GASK1A: variants seen among roughly 807,000 people sequenced by gnomAD.
GASK1A encodes Golgi-associated kinase 1A.
In GASK1A, 40 loss-of-function variants were observed where a neutral mutation model predicts 41.2. The observed-to-expected ratio is 0.97, with a 90% CI of 0.75 to 1.27. The LOEUF (loss-of-function observed/expected upper bound fraction) is 1.27. Ranked by LOEUF, GASK1A falls within the 50% of genes most tolerant of loss-of-function variation. The pLI is 0.00. For missense variants in GASK1A, 678 were observed against 745.1 expected, an observed-to-expected ratio of 0.91 and a Z score of 1.05; for synonymous variants, 316 against 307.1, an observed-to-expected ratio of 1.03 and a Z score of -0.30.
intron 1 of GASK1A, among the ~76,000 whole-genome samples, chr3:43,017,840 A>T (rs998596253): frequency 2.0e-5 from 3 of 151,728 alleles, no homozygotes; most frequent in African/African-American, 7.3e-5. Flanking sequence ...AGTCACAAGA[A>T]GGGACTGTGT....
At chr3:43,009,399 GC>G (rs2089452600) in intron 1 of GASK1A, among the ~76,000 whole-genome samples, 1 of 152,178 alleles carries the variant, frequency 6.6e-6, no homozygotes, top group Admixed American at 6.5e-5. Context: ...GGTTATCTGG[GC>G]GCATTGAAAA....
At chr3:42,980,508 C>A (rs996175066) in intron 1 of GASK1A, among the ~76,000 whole-genome samples, 7 of 152,178 alleles carry the variant, frequency 4.6e-5, no homozygotes, top group African/African-American at 1.7e-4. Context: ...CCTTTCCTTC[C>A]AAGCTCACAG....
chr3:42,984,494 T>C lies in GASK1A; in HGVS notation c.3+4849T>C, dbSNP rs6798412. On this transcript the variant is annotated intron_variant, in intron 1 of 4. Transcript: ENST00000430121. The surrounding 1 kb of genome is among the most constrained non-coding windows in gnomAD (Gnocchi z 4.2). Reference sequence around the variant, plus strand: ...CCAGAACTGCCAGCTGAGTGGAAGATGGAAGGTGCTTTATAATAGCATCTG... The same window carrying C: ...CCAGAACTGCCAGCTGAGTGGAAGACGGAAGGTGCTTTATAATAGCATCTG... Among the ~76,000 whole-genome samples the C allele has an allele frequency of 0.16, 23,777 of 151,984 alleles. 2,026 individuals are homozygous for C. Among genetic ancestry groups the C allele is most frequent in the Non-Finnish European group, 0.19 (12,821 of 67,964 alleles).
intron 1 of GASK1A, among the ~76,000 whole-genome samples, chr3:43,028,443 A>G (rs189113153): frequency 4.4e-4 from 67 of 152,344 alleles, no homozygotes; most frequent in South Asian, 2.3e-3. Context: ...CAGAAAATAT[A>G]CCATAAAATA....
At chr3:43,022,543 G>GTTAGTTTAAA (rs2089527602) in intron 1 of GASK1A, among the ~76,000 whole-genome samples, 1 of 151,340 alleles carries the variant, frequency 6.6e-6, no homozygotes, top group Non-Finnish European at 1.5e-5. Context: ...CCCTTTCAGT[G>GTTAGTTTAAA]TTAGTTTAAA....
intron 1 of GASK1A, among the ~76,000 whole-genome samples, chr3:43,022,978 G>T (rs1343484574): frequency 1.3e-5 from 2 of 152,190 alleles, no homozygotes; most frequent in African/African-American, 4.8e-5. Flanking sequence ...GCAAGTTGTG[G>T]CATAGTCATT....
At chr3:42,990,283 G>A (rs1008404230) in intron 1 of GASK1A, among the ~76,000 whole-genome samples, 1 of 151,490 alleles carries the variant, frequency 6.6e-6, no homozygotes, top group African/African-American at 2.4e-5. Context: ...CCAGGAGGTC[G>A]AGGGTGCAGT....
Position 43,033,085 on chromosome 3 carries a change from G to A in GASK1A, c.822G>A (p.Gln274=), listed in dbSNP as rs574141078. 1.0e-5 allele frequency: 16 copies of A among 1,551,720 alleles called. No homozygotes were observed. The South Asian group carries it at 1.9e-4, about 18-fold the overall frequency. Residue 274 remains glutamine, a synonymous_variant, in exon 2 of 5, where the codon CAG becomes CAA. Transcript: ENST00000430121. ...TGCAGATGCTCCGTCTGTTGGCACA[G>A]GGGGAGGTGGTGGACAAAGCCAGGG... ...HDVQMLRLLA[Q]GEVVDKARVP...
intron 2 of GASK1A, among the ~76,000 whole-genome samples, chr3:43,049,494 C>T (rs965942580): frequency 4.7e-4 from 71 of 152,176 alleles, no homozygotes; most frequent in African/African-American, 1.4e-3. Flanking sequence ...AAAGAGGGTA[C>T]TCCTCAGGAA....
intron 2 of GASK1A, among the ~76,000 whole-genome samples, chr3:43,040,664 G>A (rs144509837): frequency 6.6e-6 from 1 of 152,180 alleles, no homozygotes; most frequent in African/African-American, 2.4e-5. Flanking sequence ...TTCAGGTTGG[G>A]TTATTCCTTG....
intron 1 of GASK1A, among the ~76,000 whole-genome samples, chr3:42,991,337 A>C (rs2089339701): frequency 6.6e-6 from 1 of 152,012 alleles, no homozygotes; most frequent in African/African-American, 2.4e-5. Flanking sequence ...TATCTCTGCT[A>C]TTCATACCCT....
chr3:43,028,704 G>A (rs1341431452), intron 1 of GASK1A, among the ~76,000 whole-genome samples: 1 of 152,196 alleles, frequency 6.6e-6, no homozygotes, highest in Non-Finnish European at 1.5e-5. Context: ...GATTCCAGAT[G>A]CAGTCCAGGT....
intron 1 of GASK1A, among the ~76,000 whole-genome samples, chr3:43,011,904 G>A (rs2089465424): frequency 1.3e-5 from 2 of 151,850 alleles, no homozygotes; most frequent in African/African-American, 4.8e-5. Context: ...AAGGGGTAGT[G>A]TGAAGCCAGA....
intron 1 of GASK1A, 110 bp downstream of exon 1, chr3:42,979,755 C>A: frequency 9.0e-7 from 1 of 1,113,910 alleles, no homozygotes. Context: ...CGCGGCCTCC[C>A]GAGGCCGGAG....
chr3:42,997,848 G>C (rs1300630999), intron 1 of GASK1A, among the ~76,000 whole-genome samples: 1 of 152,212 alleles, frequency 6.6e-6, no homozygotes, highest in African/African-American at 2.4e-5. Context: ...GAGGGAGGAA[G>C]TGAGACAGGG....
chr3:42,992,318 C>T (rs1438696204), intron 1 of GASK1A, among the ~76,000 whole-genome samples: 2 of 152,226 alleles, frequency 1.3e-5, no homozygotes, highest in East Asian at 3.8e-4. Context: ...CCACCTTGGG[C>T]ATTTCAGTGA....
intron 1 of GASK1A, among the ~76,000 whole-genome samples, chr3:43,004,401 C>T (rs1443553331): frequency 1.3e-5 from 2 of 152,192 alleles, no homozygotes; most frequent in Admixed American, 1.3e-4. Context: ...ACTAGGTTAA[C>T]TGATCAGCTG....
chr3:42,988,163 A>G (rs1382947951), intron 1 of GASK1A, among the ~76,000 whole-genome samples: 4 of 151,684 alleles, frequency 2.6e-5, no homozygotes, highest in Admixed American at 2.6e-4. Flanking sequence ...CCAGCTGACT[A>G]CCACTGCTGG....
chr3:43,057,266 GC>G lies in GASK1A; in HGVS notation c.*882del, dbSNP rs2089720769. On this transcript the variant is annotated 3_prime_UTR_variant, in exon 5 of 5. Coordinates refer to ENST00000430121, the MANE Select transcript of GASK1A (RefSeq NM_001129908.3). ...TTTTTCATCAATTACAGACATTGCC[GC>G]CATGAACATGATTGCATGGCGTGCA... 1 of 152,276 alleles carries G rather than the reference GC, an allele frequency of 6.6e-6. No individual in the cohort carries two copies. The highest frequency in any genetic ancestry group is 2.1e-4 in the South Asian group (1 of 4,826). The allele number at this position is 152,276 out of a possible 1,614,324, so 9.4% of individuals were successfully genotyped here.
Sources: allele counts gnomAD v4.1 joint callset (sites outside exome capture counted in the v4.1 genomes callset), GRCh38; gene constraint gnomAD v4.1.1; non-coding constraint Gnocchi (gnomAD v3.1); transcripts MANE v1.5; gene names NCBI Gene and HGNC (gene_info 2026-07-23, HGNC 2026-07-21).